LRRN1: variants seen among roughly 807,000 people sequenced by gnomAD.
LRRN1 encodes the protein leucine rich repeat neuronal 1.
A neutral mutation model predicts 45.8 loss-of-function variants in LRRN1; 14 were observed. The ratio of observed to expected loss-of-function variants is 0.31; its 90% CI spans 0.20 to 0.48. The LOEUF (loss-of-function observed/expected upper bound fraction) is 0.48, where lower values mean the gene tolerates loss of function less well. Ranked by LOEUF, LRRN1 falls within the 20% of genes least tolerant of loss-of-function variation. The probability of loss-of-function intolerance (pLI) is 0.99; values close to 1 mark genes in which losing one functional copy is unlikely to be tolerated. For synonymous variants in LRRN1, 359 were observed against 330.1 expected (o/e 1.09, Z -0.95); for missense variants, 789 against 874.2 (o/e 0.90, Z 1.23).
chr3:3,828,150 ATATT>A (rs939950371), intron 1 of LRRN1, among the ~76,000 whole-genome samples: 4 of 135,270 alleles, frequency 3.0e-5, no homozygotes, highest in African/African-American at 7.8e-5. Context: ...ATATATATAT[ATATT>A]ATATATATAT....
chr3:3,808,508 A>G (rs1397037029), intron 1 of LRRN1, among the ~76,000 whole-genome samples: 2 of 152,204 alleles, frequency 1.3e-5, no homozygotes, highest in Non-Finnish European at 2.9e-5. Flanking sequence ...AGAGTCCTTT[A>G]TTTGAATTCT....
chr3:3,811,589 C>T (rs779275882), intron 1 of LRRN1, among the ~76,000 whole-genome samples: 2 of 152,172 alleles, frequency 1.3e-5, no homozygotes, highest in Non-Finnish European at 2.9e-5. Flanking sequence ...GTTCATAAAC[C>T]TGTATTATAC....
intron 1 of LRRN1, among the ~76,000 whole-genome samples, chr3:3,814,296 C>T (rs1394307963): frequency 1.3e-5 from 2 of 150,620 alleles, no homozygotes; most frequent in Admixed American, 1.3e-4. Context: ...GTCCCCCTGG[C>T]TATAGTAATG....
rs771658047 is a variant in LRRN1, at chr3:3,845,300, T to C, written c.659T>C (p.Leu220Ser). ...NFKPLANLRS[L>S]VLAGMYLTDI... ...AAACCCCTCGCAAATTTGAGAAGCT[T>C]AGTTTTGGCAGGAATGTATCTCACT... Residue 220 changes from leucine (L) to serine (S), a missense_variant, in exon 2 of 2, where the codon TTA (leucine) becomes TCA (serine). Physicochemically the swap from Leu to Ser is moderately radical, Grantham distance 145 (BLOSUM62 -2). Transcript: ENST00000319331. The surrounding 1 kb of genome is among the most constrained non-coding windows in gnomAD (Gnocchi z 6.5). The C allele has an allele frequency of 3.7e-6, 6 of 1,613,994 alleles. No homozygotes were observed. Among genetic ancestry groups the C allele is most frequent in the Non-Finnish European group, 4.2e-6 (5 of 1,180,036 alleles).
rs78065751 is a variant in LRRN1, at chr3:3,815,916, G to C, written c.-279+15997G>C. On this transcript the variant is annotated intron_variant, in intron 1 of 1. Transcript: ENST00000319331. ...AAGAAATAACCCTTTCTTAGTCTAA[G>C]AGATAACTTTAATTTTGCTTCATAT... 8.3e-3 allele frequency among the ~76,000 whole-genome samples: 920 copies of C among 111,352 alleles called. 49 individuals are homozygous for C. The East Asian group carries it at 0.16, about 20-fold the overall frequency. 73.1% of individuals were successfully genotyped at this position (111,352 alleles called of 152,430 possible).
chr3:3,825,078 A>G (rs1235724857), intron 1 of LRRN1, among the ~76,000 whole-genome samples: 1 of 152,174 alleles, frequency 6.6e-6, no homozygotes, highest in African/African-American at 2.4e-5. Context: ...CGTCTGTCCC[A>G]AGACACCTTC....
chr3:3,834,551 T>TACAGG (rs1693460502), intron 1 of LRRN1, among the ~76,000 whole-genome samples: 1 of 121,660 alleles, frequency 8.2e-6, no homozygotes, highest in Non-Finnish European at 1.7e-5. Context: ...TATATATATA[T>TACAGG]ATGATATATA....
intron 1 of LRRN1, among the ~76,000 whole-genome samples, chr3:3,815,803 A>G (rs1425500005): frequency 6.6e-6 from 1 of 152,162 alleles, no homozygotes; most frequent in Admixed American, 6.5e-5. Flanking sequence ...GTCCCCTTAA[A>G]TCAAAAACTC....
Position 3,840,443 on chromosome 3 carries a change from C to T in LRRN1, c.-278-3921C>T, listed in dbSNP as rs546234732. ...TGGATTTACATTTAAACACTATTGG[C>T]GAGTAGCTCCTGAGAAATGCCATAC... On this transcript the variant is annotated intron_variant, in intron 1 of 1. Coordinates refer to ENST00000319331, the MANE Select transcript of LRRN1 (RefSeq NM_020873.7). Among the ~76,000 whole-genome samples the T allele has an allele frequency of 2.4e-4, 36 of 152,158 alleles. No individual in the cohort carries two copies. In the South Asian group the frequency reaches 6.6e-3, roughly 28 times the overall value.
rs543315609 is a variant in LRRN1 at position 3,802,422 on chromosome 3, T to C, written c.-279+2503T>C. On this transcript the variant is annotated intron_variant, in intron 1 of 1. Transcript: ENST00000319331. ...GAACAGCATTTGCCCCAGTATTCTA[T>C]ATATTCACTGAAAGGGACATTAAAA... 2.5e-4 allele frequency among the ~76,000 whole-genome samples: 38 copies of C among 152,206 alleles called. 1 individual carries two copies. The South Asian group carries it at 7.9e-3, about 32-fold the overall frequency.
At chr3:3,842,952 A>G (rs976064971) in intron 1 of LRRN1, among the ~76,000 whole-genome samples, 11 of 152,216 alleles carry the variant, frequency 7.2e-5, no homozygotes, top group Non-Finnish European at 1.5e-5. Flanking sequence ...TGAAACCAAT[A>G]GATGATGGTT....
chr3:3,833,826 C>CA (rs1693424556), intron 1 of LRRN1, among the ~76,000 whole-genome samples: 1 of 151,968 alleles, frequency 6.6e-6, no homozygotes, highest in Non-Finnish European at 1.5e-5. Context: ...TTTCTTCTGG[C>CA]AAAAAAGGTG....
rs59300921 is a variant in LRRN1, at chr3:3,835,584, ATTTTT to A, written c.-278-8765_-278-8761del. Among the ~76,000 whole-genome samples the A allele has an allele frequency of 1.1e-4, 15 of 135,254 alleles. No individual in the cohort carries two copies. In the East Asian group the frequency reaches 2.8e-3, roughly 25 times the overall value. The allele number at this position is 135,254 out of a possible 152,430, so 88.7% of individuals were successfully genotyped here. On this transcript the variant is annotated intron_variant, in intron 1 of 1. Coordinates refer to ENST00000319331, the MANE Select transcript of LRRN1 (RefSeq NM_020873.7). ...CTTTCTCCAACCCCAGAGCTGCCTG[ATTTTT>A]TTTTTTTTTTTTTTGCAGTAACAGA...
chr3:3,837,690 C>T (rs538849842), intron 1 of LRRN1, among the ~76,000 whole-genome samples: 8 of 151,640 alleles, frequency 5.3e-5, no homozygotes, highest in African/African-American at 1.5e-4. Flanking sequence ...TTTGAGCCAC[C>T]GCACCACATT....
At chr3:3,801,332 T>A (rs1476027769) in intron 1 of LRRN1, 1 of 152,220 alleles carries the variant, frequency 6.6e-6, no homozygotes, top group Non-Finnish European at 1.5e-5. Context: ...CGACTCTGGC[T>A]TTTGCGTGGA....
At chr3:3,820,494 A>C (rs1181954442) in intron 1 of LRRN1, among the ~76,000 whole-genome samples, 2 of 152,186 alleles carry the variant, frequency 1.3e-5, no homozygotes, top group Non-Finnish European at 2.9e-5. Context: ...ATTTATTCAA[A>C]TACAATAAAT....
At position 3,799,748 on chromosome 3, in the gene LRRN1, C is replaced by A. The variant is rs958421947; in HGVS notation, c.-450C>A. The A allele has an allele frequency of 6.4e-6, 1 of 155,718 alleles. No individual in the cohort carries two copies. The highest frequency in any genetic ancestry group is 2.4e-5 in the African/African-American group (1 of 41,494). The allele number at this position is 155,718 out of a possible 1,614,324, so 9.6% of individuals were successfully genotyped here. A position where few individuals can be genotyped will look rare whatever the true frequency, so the allele number is the denominator to read the frequency against. ...CCTAGTCTCCGGTCTTGGTGCTCTC[C>A]CGGGGGTGCCCCAAGGAGCCAGTGC... On this transcript the variant is annotated 5_prime_UTR_variant, in exon 1 of 2. Transcript: ENST00000319331.
intron 1 of LRRN1, among the ~76,000 whole-genome samples, chr3:3,810,952 G>A (rs1430745772): frequency 6.6e-6 from 1 of 152,176 alleles, no homozygotes; most frequent in Non-Finnish European, 1.5e-5. Flanking sequence ...GAACTTCATT[G>A]TCTTGTTTAA....
rs529436825 is a variant in LRRN1, at chr3:3,803,449, ATAAT to A, written c.-279+3531_-279+3534del. Among the ~76,000 whole-genome samples the A allele has an allele frequency of 3.8e-3, 577 of 152,348 alleles. 3 individuals carry two copies. Among genetic ancestry groups the A allele is most frequent in the African/African-American group, 0.013 (549 of 41,582 alleles). ...TTAAAATTTATTTTTAAGTTACAAA[ATAAT>A]AGTTCCCCGAATGATTCATTTCAGC... is the stretch of plus-strand genomic sequence containing the variant. On this transcript the variant is annotated intron_variant, in intron 1 of 1. Coordinates refer to ENST00000319331, the MANE Select transcript of LRRN1 (RefSeq NM_020873.7).
Sources: allele counts gnomAD v4.1 joint callset (sites outside exome capture counted in the v4.1 genomes callset), GRCh38; gene constraint gnomAD v4.1.1; non-coding constraint Gnocchi (gnomAD v3.1); transcripts MANE v1.5; gene names NCBI Gene and HGNC (gene_info 2026-07-23, HGNC 2026-07-21).